Variants in SLC24A2 observed in about 807,000 individuals in gnomAD.
SLC24A2 encodes sodium/potassium/calcium exchanger 2.
Under a neutral mutation model 62.0 loss-of-function variants are expected in SLC24A2, and 36 were observed. That is an observed-to-expected ratio of 0.58 (90% CI 0.44 to 0.77). The LOEUF is 0.77. SLC24A2 is among the 30% of genes least tolerant of loss of function. SLC24A2 has a pLI of 0.00. For missense variants in SLC24A2, 846 were observed against 817.9 expected (o/e 1.03, Z -0.42); for synonymous variants, 358 against 294.0 (o/e 1.22, Z -2.23).
At chr9:20,305,110 CTT>C in the SLC24A2 span, among the ~76,000 whole-genome samples, 677 of 135,220 alleles carry the variant, frequency 5.0e-3, 5 homozygotes, top group African/African-American at 0.016. Context: ...AGGATAATAC[CTT>C]TTTTTTTTTT....
chr9:19,922,955 G>A, the SLC24A2 span, among the ~76,000 whole-genome samples: 2 of 148,736 alleles, frequency 1.3e-5, no homozygotes, highest in Non-Finnish European at 1.5e-5. Flanking sequence ...TGAGTGTGTT[G>A]GCCTAAAGAT....
At chr9:20,261,733 C>CTTTTTTTTTTTTTTTTTTTTT in the SLC24A2 span, among the ~76,000 whole-genome samples, 1 of 75,282 alleles carries the variant, frequency 1.3e-5, no homozygotes, top group African/African-American at 5.4e-5. Context: ...AACACCAAAT[C>CTTTTTTTTTTTTTTTTTTTTT]TTTTTTTTTT....
the SLC24A2 span, among the ~76,000 whole-genome samples, chr9:20,150,292 AAAATG>A: frequency 1.3e-5 from 2 of 152,034 alleles, no homozygotes; most frequent in East Asian, 3.9e-4. Context: ...GTGGTTCCTT[AAAATG>A]AAATATTTAT....
the SLC24A2 span, among the ~76,000 whole-genome samples, chr9:20,055,019 G>A: frequency 6.6e-6 from 1 of 152,148 alleles, no homozygotes; most frequent in Admixed American, 6.5e-5. Flanking sequence ...GAAGCATTCT[G>A]CTAAAGACAA....
At chr9:19,998,966 G>C in the SLC24A2 span, among the ~76,000 whole-genome samples, 1 of 152,190 alleles carries the variant, frequency 6.6e-6, no homozygotes, top group Non-Finnish European at 1.5e-5. Flanking sequence ...AGCTAGCTGG[G>C]GCTGCAAGTC....
At chr9:19,641,808 A>G (rs1818501815) in intron 2 of SLC24A2, among the ~76,000 whole-genome samples, 1 of 152,232 alleles carries the variant, frequency 6.6e-6, no homozygotes, top group Non-Finnish European at 1.5e-5. Flanking sequence ...TCTTCCAGCT[A>G]TCTTCCAGTA....
At chr9:20,076,695 T>C in the SLC24A2 span, among the ~76,000 whole-genome samples, 2 of 151,848 alleles carry the variant, frequency 1.3e-5, no homozygotes, top group Admixed American at 1.3e-4. Flanking sequence ...GAAGAACAAG[T>C]TCCTGGGCTG....
chr9:20,251,122 G>T, the SLC24A2 span, among the ~76,000 whole-genome samples: 1 of 151,954 alleles, frequency 6.6e-6, no homozygotes, highest in East Asian at 1.9e-4. Context: ...TTTATATGAC[G>T]AGGAAAGCCA....
the SLC24A2 span, among the ~76,000 whole-genome samples, chr9:20,297,762 C>T: frequency 2.0e-5 from 3 of 152,306 alleles, no homozygotes; most frequent in Non-Finnish European, 2.9e-5. Flanking sequence ...CTTTGATGGC[C>T]CTCCCAACCA....
At chr9:19,596,948 G>A (rs1158627460) in intron 5 of SLC24A2, among the ~76,000 whole-genome samples, 1 of 152,124 alleles carries the variant, frequency 6.6e-6, no homozygotes, top group Non-Finnish European at 1.5e-5. Context: ...GGCGCAGTGG[G>A]TATTTGTGTT....
the SLC24A2 span, among the ~76,000 whole-genome samples, chr9:20,205,059 T>G: frequency 6.6e-6 from 1 of 152,108 alleles, no homozygotes; most frequent in Non-Finnish European, 1.5e-5. Flanking sequence ...GTATAATTTT[T>G]TTTAAACACG....
the SLC24A2 span, among the ~76,000 whole-genome samples, chr9:19,834,337 G>A: frequency 4.6e-5 from 7 of 152,016 alleles, no homozygotes; most frequent in East Asian, 1.4e-3. Flanking sequence ...AAAAAAATTA[G>A]ACGAATGGAT....
the SLC24A2 span, among the ~76,000 whole-genome samples, chr9:20,290,051 A>C: frequency 6.6e-6 from 1 of 152,180 alleles, no homozygotes; most frequent in Non-Finnish European, 1.5e-5. Flanking sequence ...CCTCTGAGCC[A>C]CAACAGTGGC....
At chr9:20,153,975 C>A in the SLC24A2 span, among the ~76,000 whole-genome samples, 1 of 151,938 alleles carries the variant, frequency 6.6e-6, no homozygotes, top group East Asian at 1.9e-4. Flanking sequence ...CAGCTCTTTG[C>A]AGATTGCTGT....
At chr9:20,268,926 G>T in the SLC24A2 span, among the ~76,000 whole-genome samples, 1 of 152,076 alleles carries the variant, frequency 6.6e-6, no homozygotes, top group South Asian at 2.1e-4. Flanking sequence ...CCACATTCAG[G>T]GATATCATCT....
chr9:19,780,835 C>T (rs1323423669), intron 2 of SLC24A2, among the ~76,000 whole-genome samples: 10 of 144,480 alleles, frequency 6.9e-5, no homozygotes, highest in Non-Finnish European at 1.4e-4. Context: ...ATCGCGCCAC[C>T]GCTCTCCAGC....
chr9:20,185,841 T>G, the SLC24A2 span, among the ~76,000 whole-genome samples: 15 of 152,048 alleles, frequency 9.9e-5, no homozygotes, highest in Non-Finnish European at 1.5e-5. Context: ...CTAGATTTGA[T>G]TGCAAAATGA....
the SLC24A2 span, among the ~76,000 whole-genome samples, chr9:19,828,683 G>C: frequency 6.6e-6 from 1 of 152,076 alleles, no homozygotes; most frequent in Admixed American, 6.6e-5. Flanking sequence ...AAATCTGGTG[G>C]CAGTGCACAG....
chr9:19,722,429 C>T (rs1821053373), intron 2 of SLC24A2, among the ~76,000 whole-genome samples: 1 of 151,934 alleles, frequency 6.6e-6, no homozygotes, highest in Non-Finnish European at 1.5e-5. Flanking sequence ...AAATAAAAAT[C>T]CTGTCTCCTT....
Sources: allele counts gnomAD v4.1 joint callset (sites outside exome capture counted in the v4.1 genomes callset), GRCh38; gene constraint gnomAD v4.1.1; transcripts MANE v1.5; gene names NCBI Gene and HGNC (gene_info 2026-07-23, HGNC 2026-07-21).